Variants in WWOX observed in about 807,000 individuals in gnomAD.
The protein encoded by WWOX is WW domain-containing oxidoreductase.
WWOX carries 69 observed loss-of-function variants against 46.2 expected under a neutral mutation model. The observed-to-expected ratio is 1.49, with a 90% CI of 1.23 to 1.82. WWOX has a LOEUF of 1.82. WWOX is among the 40% of genes most tolerant of loss of function. WWOX has a pLI of 0.00. For synonymous variants in WWOX, 359 were observed against 202.6 expected (o/e 1.77, Z -6.56); for missense variants, 919 against 542.6 (o/e 1.69, Z -6.89).
At position 78,678,417 on chromosome 16, in the gene WWOX, G is replaced by C. The variant is rs1423991517; in HGVS notation, c.1056+245665G>C. Among the ~76,000 whole-genome samples, 3 of 152,134 alleles carry C rather than the reference G, an allele frequency of 2.0e-5. No homozygotes were observed. The South Asian group carries it at 6.2e-4, about 32-fold the overall frequency. The stretch of plus-strand genomic sequence containing the variant: ...TATTGAGTGAATAAATGAATGAATG[G>C]ATTATTTTAGTTTGGCCTCAATCTT... On this transcript the variant is annotated intron_variant, in intron 8 of 8. Transcript: ENST00000566780.
chr16:78,833,293 C>A (rs560212965), intron 8 of WWOX, among the ~76,000 whole-genome samples: 1 of 152,186 alleles, frequency 6.6e-6, no homozygotes, highest in East Asian at 1.9e-4. Flanking sequence ...GCAGTCCTCT[C>A]ACCTCATTCT....
At chr16:79,059,402 A>G (rs970359174) in intron 8 of WWOX, among the ~76,000 whole-genome samples, 1 of 152,240 alleles carries the variant, frequency 6.6e-6, no homozygotes, top group African/African-American at 2.4e-5. Context: ...TGATCTTGAC[A>G]TTGAGATGTA....
At chr16:78,403,802 G>A (rs981258954) in intron 6 of WWOX, among the ~76,000 whole-genome samples, 1 of 152,226 alleles carries the variant, frequency 6.6e-6, no homozygotes, top group South Asian at 2.1e-4. Context: ...TTTACTGCCA[G>A]CTCTAGCCCT....
intron 8 of WWOX, among the ~76,000 whole-genome samples, chr16:79,058,934 AG>A (rs764834219): frequency 2.6e-5 from 4 of 152,252 alleles, no homozygotes; most frequent in Non-Finnish European, 5.9e-5. Context: ...ATCTAGAAAT[AG>A]AGATCAGTAA....
chr16:78,760,306 G>T (rs978250316), intron 8 of WWOX, among the ~76,000 whole-genome samples: 8 of 152,142 alleles, frequency 5.3e-5, no homozygotes, highest in African/African-American at 1.4e-4. Flanking sequence ...TCCCACCAGG[G>T]TCCCTCCCAC....
chr16:78,130,867 A>G (rs556284037), intron 4 of WWOX, among the ~76,000 whole-genome samples: 3 of 152,344 alleles, frequency 2.0e-5, no homozygotes, highest in African/African-American at 7.2e-5. Context: ...AATGACAGAG[A>G]TATGATCTGA....
chr16:78,779,741 G>T (rs1440523933), intron 8 of WWOX, among the ~76,000 whole-genome samples: 2 of 152,192 alleles, frequency 1.3e-5, no homozygotes, highest in Non-Finnish European at 2.9e-5. Flanking sequence ...GGATGTGAGA[G>T]ACATTCTTGT....
At chr16:79,052,666 A>C (rs949785826) in intron 8 of WWOX, among the ~76,000 whole-genome samples, 2 of 152,236 alleles carry the variant, frequency 1.3e-5, no homozygotes, top group Non-Finnish European at 2.9e-5. Flanking sequence ...CGGACACAGC[A>C]GTAGAGTACA....
At chr16:78,143,444 G>GC (rs1338441704) in intron 4 of WWOX, among the ~76,000 whole-genome samples, 3 of 152,132 alleles carry the variant, frequency 2.0e-5, no homozygotes, top group South Asian at 2.1e-4. Flanking sequence ...ACCAAATCCA[G>GC]CCCCCCGAGG....
chr16:78,122,610 T>C (rs1281978881), intron 4 of WWOX, among the ~76,000 whole-genome samples: 2 of 133,562 alleles, frequency 1.5e-5, no homozygotes, highest in African/African-American at 5.2e-5. Flanking sequence ...ATTTTTTTTC[T>C]TTTTTTTTTT....
At chr16:78,196,629 C>A (rs1346739531) in intron 5 of WWOX, among the ~76,000 whole-genome samples, 1 of 152,130 alleles carries the variant, frequency 6.6e-6, no homozygotes, top group African/African-American at 2.4e-5. Context: ...GCTTTGGAAC[C>A]AATTAGGGCG....
chr16:79,194,594 C>T (rs948733065), intron 8 of WWOX, among the ~76,000 whole-genome samples: 4 of 152,098 alleles, frequency 2.6e-5, no homozygotes, highest in African/African-American at 4.8e-5. Context: ...TTACCTTTTC[C>T]CACTTCCATC....
chr16:78,396,664 G>T (rs1467481725), intron 6 of WWOX, among the ~76,000 whole-genome samples: 1 of 152,184 alleles, frequency 6.6e-6, no homozygotes, highest in Non-Finnish European at 1.5e-5. Context: ...TAATGATTAT[G>T]TAAAGCACTA....
At chr16:79,070,268 A>ATG (rs4035490) in intron 8 of WWOX, among the ~76,000 whole-genome samples, 14,012 of 145,104 alleles carry the variant, frequency 0.097, 709 homozygotes, top group Admixed American at 0.14. Context: ...TGTGTTTCTG[A>ATG]TGTGTGTGTG....
At chr16:78,953,324 C>T (rs565922250) in intron 8 of WWOX, among the ~76,000 whole-genome samples, 2 of 152,148 alleles carry the variant, frequency 1.3e-5, no homozygotes, top group South Asian at 4.2e-4. Context: ...CATGTTTAAC[C>T]TACTTTAGAG....
At chr16:78,340,231 G>A (rs1437870968) in intron 5 of WWOX, among the ~76,000 whole-genome samples, 2 of 103,702 alleles carry the variant, frequency 1.9e-5, no homozygotes, top group East Asian at 4.2e-4. Flanking sequence ...GAGTCTTACT[G>A]TGTCACCTAG....
chr16:78,904,580 C>G (rs1216083468), intron 8 of WWOX, among the ~76,000 whole-genome samples: 1 of 152,014 alleles, frequency 6.6e-6, no homozygotes, highest in Non-Finnish European at 1.5e-5. Context: ...GAAATGTAAA[C>G]CCTCCCTTCC....
At chr16:78,773,347 T>C (rs979584797) in intron 8 of WWOX, among the ~76,000 whole-genome samples, 3 of 152,190 alleles carry the variant, frequency 2.0e-5, no homozygotes, top group Non-Finnish European at 4.4e-5. Flanking sequence ...GTTTCAGGAA[T>C]GTTCAGCTGT....
chr16:78,361,089 C>G (rs2081400914), intron 5 of WWOX, among the ~76,000 whole-genome samples: 2 of 152,156 alleles, frequency 1.3e-5, no homozygotes, highest in African/African-American at 2.4e-5. Flanking sequence ...TCCCAAAGTG[C>G]TGGGATTACA....
Sources: allele counts gnomAD v4.1 joint callset (sites outside exome capture counted in the v4.1 genomes callset), GRCh38; gene constraint gnomAD v4.1.1; transcripts MANE v1.5; gene names NCBI Gene and HGNC (gene_info 2026-07-23, HGNC 2026-07-21).